The following CTNNA2 variants were observed in gnomAD, a reference collection of about 807,000 sequenced individuals.
CTNNA2 encodes the protein catenin alpha-2.
A neutral mutation model predicts 101.0 loss-of-function variants in CTNNA2; 42 were observed. That is an observed-to-expected ratio of 0.42 (90% CI 0.32 to 0.54). The LOEUF (loss-of-function observed/expected upper bound fraction) is 0.54, where lower values mean the gene tolerates loss of function less well. CTNNA2 is among the 20% of genes least tolerant of loss of function. CTNNA2 has a pLI of 0.14. For missense variants in CTNNA2, 871 were observed against 1,223.1 expected (o/e 0.71, Z 4.29); for synonymous variants, 450 against 456.4 (o/e 0.99, Z 0.18).
At chr2:79,297,977 T>C (rs533802017) in intron 2 of CTNNA2, among the ~76,000 whole-genome samples, 3 of 152,354 alleles carry the variant, frequency 2.0e-5, no homozygotes, top group African/African-American at 7.2e-5. Flanking sequence ...CAATTGGTTC[T>C]CCAGAGTTTA....
chr2:79,195,529 G>C (rs1371295071), intron 1 of CTNNA2, among the ~76,000 whole-genome samples: 3 of 152,150 alleles, frequency 2.0e-5, no homozygotes, highest in South Asian at 4.1e-4. Context: ...ACCAGTCTCA[G>C]TTTAGTCCTA....
In CTNNA2 at chr2:79,801,789, C is replaced by T. The variant is rs530006216; in HGVS notation, c.299-56224C>T. Among the ~76,000 whole-genome samples the T allele has an allele frequency of 4.6e-5, 7 of 151,968 alleles. No individual in the cohort carries two copies. The East Asian group carries it at 9.7e-4, about 21-fold the overall frequency. On this transcript the variant is annotated intron_variant, in intron 3 of 18. Coordinates refer to ENST00000402739, the MANE Select transcript of CTNNA2 (RefSeq NM_001282597.3). ...GGCAGATCACCTGAGGTCAGGAGTT[C>T]GAGACCAGCCTGACCAACATGGGGA... is the stretch of plus-strand genomic sequence containing the variant.
chr2:79,238,947 T>C (rs182215131), intron 2 of CTNNA2, among the ~76,000 whole-genome samples: 2 of 152,324 alleles, frequency 1.3e-5, no homozygotes, highest in Admixed American at 1.3e-4. Context: ...AAAGTGCTTT[T>C]TAAAAATAAA....
At chr2:79,589,715 T>C (rs1558753604) in intron 1 of CTNNA2, among the ~76,000 whole-genome samples, 2 of 58,910 alleles carry the variant, frequency 3.4e-5, no homozygotes, top group African/African-American at 1.1e-4. Flanking sequence ...GATCTTTTTT[T>C]TTCCCCCCCC....
intron 2 of CTNNA2, among the ~76,000 whole-genome samples, chr2:79,238,398 A>G (rs747063548): frequency 7.9e-5 from 12 of 152,200 alleles, no homozygotes; most frequent in Admixed American, 1.3e-4. Context: ...ACAGATCACC[A>G]TAACAGATAT....
chr2:79,675,384 A>G (rs879583322), intron 2 of CTNNA2, among the ~76,000 whole-genome samples: 2 of 152,196 alleles, frequency 1.3e-5, no homozygotes, highest in Admixed American at 1.3e-4. Context: ...TAAAGAGGGT[A>G]GAGAAGGCAT....
At chr2:79,748,060 G>A (rs1360154594) in intron 3 of CTNNA2, among the ~76,000 whole-genome samples, 2 of 152,160 alleles carry the variant, frequency 1.3e-5, no homozygotes, top group East Asian at 1.9e-4. Flanking sequence ...CTGACAGCAA[G>A]GTCCTCAGTC....
chr2:79,551,922 A>G (rs1487451301), intron 1 of CTNNA2, among the ~76,000 whole-genome samples: 3 of 152,138 alleles, frequency 2.0e-5, no homozygotes, highest in Non-Finnish European at 4.4e-5. Context: ...AACATTGGTG[A>G]TTATAATTTG....
At chr2:80,597,471 A>G (rs1414907503) in intron 15 of CTNNA2, among the ~76,000 whole-genome samples, 1 of 152,204 alleles carries the variant, frequency 6.6e-6, no homozygotes, top group Admixed American at 6.5e-5. Flanking sequence ...AAAATTGACA[A>G]ATGGGATCGA....
In CTNNA2 at chr2:79,585,883, G is replaced by T. The variant is rs116794252; in HGVS notation, c.-5-65669G>T. Reference sequence around the variant, plus strand: ...GTGCTGTTTCCGGGGTGTGAGCTCAGCATTGTGTTCTCTTAGCACTCATTC... The same window carrying T: ...GTGCTGTTTCCGGGGTGTGAGCTCATCATTGTGTTCTCTTAGCACTCATTC... On this transcript the variant is annotated intron_variant, in intron 1 of 18. Transcript: ENST00000402739. Among the ~76,000 whole-genome samples the T allele has an allele frequency of 8.6e-3, 1,313 of 152,210 alleles. 22 individuals are homozygous for T. The highest frequency in any genetic ancestry group is 0.03 in the African/African-American group (1,239 of 41,552).
intron 9 of CTNNA2, among the ~76,000 whole-genome samples, chr2:80,508,301 C>T (rs1269624118): frequency 6.6e-6 from 1 of 150,602 alleles, no homozygotes; most frequent in Non-Finnish European, 1.5e-5. Context: ...TGGTGAAACC[C>T]TCTCTCTACT....
chr2:80,231,912 C>G (rs1488381406), intron 7 of CTNNA2, among the ~76,000 whole-genome samples: 1 of 152,118 alleles, frequency 6.6e-6, no homozygotes, highest in Non-Finnish European at 1.5e-5. Context: ...TAGAAATCAT[C>G]TGCCATCTAT....
chr2:80,287,084 G>A (rs1391652939), intron 7 of CTNNA2, among the ~76,000 whole-genome samples: 1 of 152,194 alleles, frequency 6.6e-6, no homozygotes, highest in African/African-American at 2.4e-5. Context: ...GACAATGACT[G>A]TTCTAACACC....
intron 7 of CTNNA2, among the ~76,000 whole-genome samples, chr2:80,211,230 A>G (rs1707869780): frequency 6.6e-6 from 1 of 151,926 alleles, no homozygotes; most frequent in Non-Finnish European, 1.5e-5. Flanking sequence ...AATATATCCC[A>G]TTTGTCTACT....
chr2:79,261,664 C>T (rs1356685124), intron 2 of CTNNA2, among the ~76,000 whole-genome samples: 2 of 152,170 alleles, frequency 1.3e-5, no homozygotes, highest in African/African-American at 4.8e-5. Flanking sequence ...TCTTCCTATT[C>T]TTATAGGACA....
chr2:79,686,760 A>T (rs978195099), intron 2 of CTNNA2, among the ~76,000 whole-genome samples: 1 of 152,102 alleles, frequency 6.6e-6, no homozygotes, highest in Non-Finnish European at 1.5e-5. Context: ...GGCATTTCAC[A>T]CACCCTGCTA....
At chr2:79,794,533 T>C (rs77507743) in intron 3 of CTNNA2, among the ~76,000 whole-genome samples, 16,813 of 152,196 alleles carry the variant, frequency 0.11, 1,057 homozygotes, top group Admixed American at 0.16. Flanking sequence ...CCTTCCAAAG[T>C]TTCCTCCCTG....
chr2:79,796,286 C>A (rs1400648296), intron 3 of CTNNA2, among the ~76,000 whole-genome samples: 3 of 150,296 alleles, frequency 2.0e-5, no homozygotes, highest in Non-Finnish European at 4.4e-5. Flanking sequence ...TAAAAGTGGC[C>A]TAAATTCAGG....
rs551241835 is a variant in CTNNA2 at position 79,507,516 on chromosome 2, C to T, written c.-6+2334C>T. On this transcript the variant is annotated intron_variant, in intron 5 of 21. Coordinates refer to the CTNNA2 transcript ENST00000466387. ...GATAATGCAGCAAGAACGCTCTCAC[C>T]ATCTGTGACCCTTCGATCTTGGACT... 2.6e-5 allele frequency among the ~76,000 whole-genome samples: 4 copies of T among 152,206 alleles called. No individual in the cohort carries two copies. In the East Asian group the frequency reaches 7.7e-4, roughly 29 times the overall value.
Sources: gnomAD v4.1 joint callset for allele counts (sites outside exome capture counted in the v4.1 genomes callset) on GRCh38, gnomAD v4.1.1 for gene constraint, MANE v1.5 for transcripts, NCBI Gene and HGNC (gene_info 2026-07-23, HGNC 2026-07-21) for gene names.